RAF1: variants seen among roughly 807,000 people sequenced by gnomAD.
RAF1 encodes Raf-1 proto-oncogene, serine/threonine kinase, also known as RAF proto-oncogene serine/threonine-protein kinase.
RAF1 carries 27 observed loss-of-function variants against 81.1 expected under a neutral mutation model. The ratio of observed to expected loss-of-function variants is 0.33; its 90% CI spans 0.25 to 0.46. RAF1 has a LOEUF of 0.46. Ranked by LOEUF, RAF1 falls within the 20% of genes least tolerant of loss-of-function variation. The pLI is 1.00. For synonymous variants in RAF1, 298 were observed against 294.0 expected (o/e 1.01, Z -0.14); for missense variants, 598 against 826.0 (o/e 0.72, Z 3.38).
intron 2 of RAF1, among the ~76,000 whole-genome samples, chr3:12,617,323 C>T (rs890528980): frequency 2.6e-5 from 4 of 152,082 alleles, no homozygotes; most frequent in Non-Finnish European, 4.4e-5. Flanking sequence ...CCATGTTGGC[C>T]AGGCTTGTCT....
intron 1 of RAF1, among the ~76,000 whole-genome samples, chr3:12,663,606 G>A (rs1449704661): frequency 6.6e-6 from 1 of 152,236 alleles, no homozygotes; most frequent in Non-Finnish European, 1.5e-5. Flanking sequence ...AGTGGGATGT[G>A]GGAACTCGGC....
At chr3:12,618,826 G>A (rs888284918) in intron 1 of RAF1, 79 bp from the exon 2 acceptor site, 4 of 1,158,692 alleles carry the variant, frequency 3.5e-6, no homozygotes, top group Non-Finnish European at 5.0e-6. Context: ...GAGTAATTAT[G>A]AAAATAGCAC....
At chr3:12,590,278 G>T (rs9868981) in intron 13 of RAF1, 165,492 of 165,492 alleles carry the variant, frequency 1, 82,746 homozygotes, top group Non-Finnish European at 1. Flanking sequence ...AGAGCCCAAA[G>T]CTGAGCCCCA....
chr3:12,663,669 T>G, intron 1 of RAF1, 144 bp downstream of exon 1: 1 of 365,256 alleles, frequency 2.7e-6, no homozygotes, highest in Non-Finnish European at 4.7e-6. Context: ...TACCCCAGGG[T>G]GACAACGGCC....
At chr3:12,650,072 G>T (rs532050000) in intron 1 of RAF1, among the ~76,000 whole-genome samples, 2 of 148,846 alleles carry the variant, frequency 1.3e-5, no homozygotes, top group African/African-American at 4.9e-5. Flanking sequence ...CATGAACCCA[G>T]GAGGCGGAGG....
intron 8 of RAF1, chr3:12,603,363 G>A (rs1234697795): frequency 1.8e-6 from 1 of 546,462 alleles, no homozygotes; most frequent in Non-Finnish European, 3.3e-6. Flanking sequence ...GGAAACAAGT[G>A]ACAAGAAATA....
chr3:12,654,076 C>T (rs1322403526), intron 1 of RAF1, among the ~76,000 whole-genome samples: 1 of 151,636 alleles, frequency 6.6e-6, no homozygotes, highest in Non-Finnish European at 1.5e-5. Flanking sequence ...ATTGCAGCCT[C>T]CAATTCCTGG....
intron 14 of RAF1, chr3:12,587,351 G>A (rs2058361973): frequency 3.6e-6 from 2 of 559,622 alleles, no homozygotes; most frequent in Admixed American, 6.3e-5. Context: ...CACTTTTGCT[G>A]AGATAAACTC....
chr3:12,626,696 G>A (rs1367628075), intron 1 of RAF1, among the ~76,000 whole-genome samples: 1 of 151,956 alleles, frequency 6.6e-6, no homozygotes. Context: ...TCACATTTCT[G>A]CTCAATGATA....
chr3:12,603,718 C>T (rs1355372284), intron 7 of RAF1, among the ~76,000 whole-genome samples: 1 of 152,184 alleles, frequency 6.6e-6, no homozygotes, highest in Non-Finnish European at 1.5e-5. Context: ...TCTCCCCAAA[C>T]ACCTGCTTAT....
chr3:12,596,106 A>G (rs1288440717), intron 11 of RAF1, among the ~76,000 whole-genome samples: 2 of 151,754 alleles, frequency 1.3e-5, no homozygotes, highest in Non-Finnish European at 2.9e-5. Context: ...CTCCTGGGCT[A>G]AAGTGATCCT....
intron 10 of RAF1, 133 bp downstream of exon 9, chr3:12,600,019 A>T: frequency 1.4e-6 from 2 of 1,428,810 alleles, no homozygotes; most frequent in Non-Finnish European, 9.8e-7. Flanking sequence ...AAATGACAGT[A>T]ACATTTATAA....
At chr3:12,616,338 A>G (rs970905276) in intron 2 of RAF1, among the ~76,000 whole-genome samples, 1 of 152,212 alleles carries the variant, frequency 6.6e-6, no homozygotes, top group African/African-American at 2.4e-5. Context: ...ACTTTGAAGA[A>G]GCACCAAATG....
chr3:12,608,860 A>G lies in RAF1; in HGVS notation c.487T>C (p.Phe163Leu). The change falls in exon 5 of 18, where the codon TTT becomes CTT. Residue 163 changes from phenylalanine to leucine, a missense_variant. Physicochemically the swap from Phe to Leu is conservative, Grantham distance 22. Around this residue, in one of 5 missense-constraint regions of RAF1, gnomAD observed 89 missense variants for 169.2 expected, o/e 0.53. Transcript: ENST00000442415. ...TTGTAGCCACAAGTCTGACATCGAA[A>G]TCCATTGAGCAGGAATTTCTGACAG... 6.2e-7 allele frequency: 1 copy of G among 1,614,160 alleles called. No individual in the cohort carries two copies. Among genetic ancestry groups the G allele is most frequent in the East Asian group, 2.2e-5 (1 of 44,874 alleles).
chr3:12,618,086 A>G (rs2059433018), intron 2 of RAF1, among the ~76,000 whole-genome samples: 1 of 152,124 alleles, frequency 6.6e-6, no homozygotes, highest in South Asian at 2.1e-4. Context: ...TATGAAATAT[A>G]CAAAAATAAT....
chr3:12,657,317 A>C (rs542687544), intron 1 of RAF1, among the ~76,000 whole-genome samples: 1 of 152,218 alleles, frequency 6.6e-6, no homozygotes, highest in East Asian at 1.9e-4. Context: ...AATAGGATAC[A>C]TAAGAATTCA....
chr3:12,651,901 C>T (rs893218412), intron 1 of RAF1, among the ~76,000 whole-genome samples: 3 of 150,454 alleles, frequency 2.0e-5, no homozygotes, highest in Admixed American at 6.7e-5. Flanking sequence ...CTCAGCTACT[C>T]GGGAGGCTGA....
chr3:12,596,827 T>C (rs1373117972), intron 11 of RAF1, among the ~76,000 whole-genome samples: 1 of 152,216 alleles, frequency 6.6e-6, no homozygotes. Context: ...GCTTGCTTTC[T>C]GAAAGCATGG....
intron 2 of RAF1, among the ~76,000 whole-genome samples, chr3:12,616,268 T>C (rs1291182570): frequency 6.6e-6 from 1 of 152,182 alleles, no homozygotes; most frequent in African/African-American, 2.4e-5. Context: ...CCAAATTAAG[T>C]TTCCCAGCCT....
Sources: gnomAD v4.1 joint callset for allele counts (sites outside exome capture counted in the v4.1 genomes callset) on GRCh38, gnomAD v4.1.1 for gene constraint, gnomAD v4.1.1 regional missense constraint, MANE v1.5 for transcripts, NCBI Gene and HGNC (gene_info 2026-07-23, HGNC 2026-07-21) for gene names.